The following EDIL3 variants were observed in gnomAD, a reference collection of about 807,000 sequenced individuals.
EDIL3 encodes the protein EGF like and discoidin domains 3, also known as EGF-like repeat and discoidin I-like domain-containing protein 3.
In EDIL3, 37 loss-of-function variants were observed where a neutral mutation model predicts 67.4. That is an observed-to-expected ratio of 0.55 (90% confidence interval 0.42 to 0.72). The LOEUF is 0.72. EDIL3 is among the 30% of genes least tolerant of loss of function. EDIL3 has a pLI of 0.00. For synonymous variants in EDIL3, 195 were observed against 196.3 expected (o/e 0.99, Z 0.05); for missense variants, 527 against 586.3 (o/e 0.90, Z 1.04).
intron 4 of EDIL3, among the ~76,000 whole-genome samples, chr5:84,173,253 T>G (rs1748842975): frequency 6.6e-6 from 1 of 150,544 alleles, no homozygotes; most frequent in African/African-American, 2.4e-5. Context: ...TGAGTGAGGG[T>G]CAGATGCCTG....
intron 1 of EDIL3, among the ~76,000 whole-genome samples, chr5:84,374,764 T>G: frequency 6.6e-6 from 1 of 152,112 alleles, no homozygotes; most frequent in Non-Finnish European, 1.5e-5. Context: ...AGTGAGTAAG[T>G]TCTCAGGAGA....
At chr5:84,323,066 T>C (rs1039833591) in intron 1 of EDIL3, among the ~76,000 whole-genome samples, 4 of 152,072 alleles carry the variant, frequency 2.6e-5, no homozygotes, top group Non-Finnish European at 5.9e-5. Context: ...ATTTTAGTAA[T>C]GGTTTGTAAC....
intron 9 of EDIL3, among the ~76,000 whole-genome samples, chr5:83,991,507 A>C (rs1745150253): frequency 6.6e-6 from 1 of 152,110 alleles, no homozygotes; most frequent in Non-Finnish European, 1.5e-5. Flanking sequence ...ATTCAATTCC[A>C]CATGAACTTT....
Position 84,060,408 on chromosome 5 carries a change from C to A in EDIL3, c.1029G>T (p.Thr343=), listed in dbSNP as rs765794931. The change falls in exon 9 of 11, where the codon ACG becomes ACT. Residue 343 remains threonine, a synonymous_variant. Transcript: ENST00000296591. ...YQITASSIFR[T]LNMDMFTWEP... is the part of the protein sequence containing the mutation. ...CCCAAGTGAACATGTCCATGTTGAGCGTTCTGAAGATGCTGGAGGCAGTGA... is the reference window on the plus strand; with the variant it reads ...CCCAAGTGAACATGTCCATGTTGAGAGTTCTGAAGATGCTGGAGGCAGTGA... The A allele has an allele frequency of 9.3e-6, 15 of 1,613,710 alleles. No individual in the cohort carries two copies. The Middle Eastern group carries it at 6.6e-4, about 71-fold the overall frequency.
At chr5:84,053,168 T>A (rs1451817391) in intron 9 of EDIL3, among the ~76,000 whole-genome samples, 1 of 152,082 alleles carries the variant, frequency 6.6e-6, no homozygotes, top group Non-Finnish European at 1.5e-5. Context: ...TCAAAACCAC[T>A]CAACTACATG....
At chr5:84,000,620 C>T (rs1470692619) in intron 9 of EDIL3, among the ~76,000 whole-genome samples, 1 of 151,210 alleles carries the variant, frequency 6.6e-6, no homozygotes, top group Admixed American at 6.6e-5. Flanking sequence ...AAATCACTCA[C>T]AAAATGTAAA....
intron 3 of EDIL3, among the ~76,000 whole-genome samples, chr5:84,207,667 C>G (rs2112385472): frequency 6.6e-6 from 1 of 151,812 alleles, no homozygotes; most frequent in East Asian, 1.9e-4. Context: ...CTACAGTAAC[C>G]AAAACAGCAT....
intron 1 of EDIL3, among the ~76,000 whole-genome samples, chr5:84,295,217 T>G (rs1266091092): frequency 6.6e-6 from 1 of 152,100 alleles, no homozygotes; most frequent in Admixed American, 6.6e-5. Flanking sequence ...CTTTTAAAAA[T>G]AATAATTCTG....
intron 1 of EDIL3, among the ~76,000 whole-genome samples, chr5:84,353,951 T>G (rs1028279280): frequency 2.0e-5 from 3 of 152,224 alleles, no homozygotes; most frequent in Non-Finnish European, 4.4e-5. Flanking sequence ...AAATGAAAAC[T>G]AACTTTATTA....
chr5:84,033,308 T>G (rs1745960423), intron 9 of EDIL3, among the ~76,000 whole-genome samples: 1 of 152,214 alleles, frequency 6.6e-6, no homozygotes, highest in South Asian at 2.1e-4. Flanking sequence ...ACTTGACCAC[T>G]GAGGATTAGT....
chr5:84,053,654 C>A (rs999673740), intron 9 of EDIL3, among the ~76,000 whole-genome samples: 1 of 152,140 alleles, frequency 6.6e-6, no homozygotes, highest in African/African-American at 2.4e-5. Flanking sequence ...GAAATACAAA[C>A]TACCATCAGA....
chr5:84,240,197 T>C (rs1223343088), intron 2 of EDIL3, among the ~76,000 whole-genome samples: 1 of 152,168 alleles, frequency 6.6e-6, no homozygotes, highest in South Asian at 2.1e-4. Context: ...GGAGGCAGAA[T>C]AAAACTGTAA....
chr5:84,055,474 A>G (rs1014455121), intron 9 of EDIL3, among the ~76,000 whole-genome samples: 2 of 149,258 alleles, frequency 1.3e-5, no homozygotes, highest in African/African-American at 5.1e-5. Flanking sequence ...TAATTAAACT[A>G]AAGAGCTTCT....
intron 1 of EDIL3, among the ~76,000 whole-genome samples, chr5:84,352,139 C>G (rs150753503): frequency 6.6e-6 from 1 of 152,008 alleles, no homozygotes; most frequent in East Asian, 1.9e-4. Context: ...AAAAAAACAA[C>G]AGATGTTGGT....
rs533618970 is a variant in EDIL3 at position 84,023,241 on chromosome 5, T to G, written c.1137+37059A>C. On this transcript the variant is annotated intron_variant, in intron 9 of 10. Transcript: ENST00000296591. ...ATCTTGAATAGATACAATTTTTACT[T>G]CTCAATTAAATATTTTAAAATATAA... Among the ~76,000 whole-genome samples the G allele has an allele frequency of 2.0e-5, 3 of 152,006 alleles. No homozygotes were observed. In the East Asian group the frequency reaches 5.8e-4, roughly 29 times the overall value.
intron 3 of EDIL3, among the ~76,000 whole-genome samples, chr5:84,207,545 A>G (rs1390548642): frequency 2.0e-5 from 3 of 152,012 alleles, no homozygotes; most frequent in Non-Finnish European, 4.4e-5. Flanking sequence ...GGAAAAAACT[A>G]CTTTAAAGTT....
intron 1 of EDIL3, among the ~76,000 whole-genome samples, chr5:84,372,908 A>G (rs1053859681): frequency 3.9e-5 from 6 of 152,308 alleles, no homozygotes; most frequent in Admixed American, 6.5e-5. Flanking sequence ...CAAAGAGAAT[A>G]ATGCCTGAGA....
chr5:84,134,698 G>A (rs540226687), intron 5 of EDIL3, among the ~76,000 whole-genome samples: 10 of 152,034 alleles, frequency 6.6e-5, no homozygotes, highest in Non-Finnish European at 1.0e-4. Flanking sequence ...ACAGAATAAA[G>A]ATCCTTAATT....
intron 4 of EDIL3, among the ~76,000 whole-genome samples, chr5:84,176,384 C>G: frequency 1.2e-5 from 1 of 84,576 alleles, no homozygotes; most frequent in Non-Finnish European, 2.4e-5. Context: ...CCTAAACTGT[C>G]CTGTTTCTTT....
Sources: gnomAD v4.1 joint callset for allele counts (sites outside exome capture counted in the v4.1 genomes callset) on GRCh38, gnomAD v4.1.1 for gene constraint, MANE v1.5 for transcripts, NCBI Gene and HGNC (gene_info 2026-07-23, HGNC 2026-07-21) for gene names.